The following ADAMTS12 variants were observed in gnomAD, a reference collection of about 807,000 sequenced individuals.
The protein encoded by ADAMTS12 is A disintegrin and metalloproteinase with thrombospondin motifs 12.
ADAMTS12 carries 118 observed loss-of-function variants against 167.8 expected under a neutral mutation model. The ratio of observed to expected loss-of-function variants is 0.70; its 90% CI spans 0.61 to 0.82. The LOEUF (loss-of-function observed/expected upper bound fraction) is 0.82. Among genes scored for constraint, ADAMTS12 ranks in the 40% least tolerant of loss-of-function variants. The pLI, the probability that ADAMTS12 is intolerant of heterozygous loss-of-function variation, is 0.00. For synonymous variants in ADAMTS12, 704 were observed against 716.9 expected, an observed-to-expected ratio of 0.98 and a Z score of 0.29; for missense variants, 1,916 against 1,998.8, an observed-to-expected ratio of 0.96 and a Z score of 0.79.
intron 3 of ADAMTS12, among the ~76,000 whole-genome samples, chr5:33,714,336 CA>C (rs1369189377): frequency 6.6e-6 from 1 of 152,004 alleles, no homozygotes; most frequent in Admixed American, 6.6e-5. Flanking sequence ...CAATGTAAAT[CA>C]AAATGTAATG....
At chr5:33,815,262 T>C (rs374498601) in intron 2 of ADAMTS12, among the ~76,000 whole-genome samples, 83 of 152,282 alleles carry the variant, frequency 5.5e-4, no homozygotes, top group African/African-American at 1.9e-3. Flanking sequence ...CCCATTAAAG[T>C]CATAGATTGA....
chr5:33,595,793 C>T, intron 17 of ADAMTS12, 141 bp downstream of exon 17: 1 of 1,246,686 alleles, frequency 8.0e-7, no homozygotes, highest in South Asian at 1.5e-5. Context: ...AGCATAGCCA[C>T]AGAAAACTCT....
rs571870628 is a variant in ADAMTS12, at chr5:33,640,194, C to T, written c.1718+1616G>A. ...GAACCACAGATCCAAATCTATGATG[C>T]GGTGCCATTGGCAGTGTTAGCAATG... is the stretch of plus-strand genomic sequence containing the variant. On this transcript the variant is annotated intron_variant, in intron 11 of 23. Coordinates refer to ENST00000504830, the MANE Select transcript of ADAMTS12 (RefSeq NM_030955.4). Among the ~76,000 whole-genome samples, 12 of 152,298 alleles carry T rather than the reference C, an allele frequency of 7.9e-5. No individual in the cohort carries two copies. The South Asian group carries it at 8.3e-4, about 11-fold the overall frequency.
intron 2 of ADAMTS12, among the ~76,000 whole-genome samples, chr5:33,850,546 C>T (rs1416630140): frequency 6.6e-6 from 1 of 152,192 alleles, no homozygotes; most frequent in Non-Finnish European, 1.5e-5. Context: ...CACCATAGGC[C>T]TCTCTCATTG....
At chr5:33,556,866 C>T (rs1033659431) in intron 20 of ADAMTS12, among the ~76,000 whole-genome samples, 5 of 152,264 alleles carry the variant, frequency 3.3e-5, no homozygotes, top group South Asian at 2.1e-4. Flanking sequence ...CCAGATGGGG[C>T]GGACAGTGTG....
At chr5:33,874,197 A>T (rs1750141812) in intron 2 of ADAMTS12, among the ~76,000 whole-genome samples, 1 of 152,224 alleles carries the variant, frequency 6.6e-6, no homozygotes, top group East Asian at 1.9e-4. Context: ...ACTGCTGTCA[A>T]AATTTACAAA....
chr5:33,626,735 A>ATGGTGG (rs1330204298), intron 13 of ADAMTS12, among the ~76,000 whole-genome samples: 1 of 107,476 alleles, frequency 9.3e-6, no homozygotes, highest in East Asian at 3.2e-4. Context: ...TTTGATGGTA[A>ATGGTGG]TGGTGGTGGT....
chr5:33,620,210 G>A (rs1739246669), intron 14 of ADAMTS12, among the ~76,000 whole-genome samples: 2 of 152,308 alleles, frequency 1.3e-5, no homozygotes, highest in East Asian at 1.9e-4. Context: ...AGCTATAGCT[G>A]CAGACCTTAT....
chr5:33,757,310 A>C (rs890132265), intron 2 of ADAMTS12, among the ~76,000 whole-genome samples: 1 of 152,260 alleles, frequency 6.6e-6, no homozygotes, highest in Non-Finnish European at 1.5e-5. Flanking sequence ...AAAAAATGCA[A>C]CATTCACCAA....
intron 6 of ADAMTS12, among the ~76,000 whole-genome samples, chr5:33,658,590 CT>C (rs1181424379): frequency 6.6e-6 from 1 of 152,066 alleles, no homozygotes; most frequent in East Asian, 1.9e-4. Flanking sequence ...TTATTTTGCT[CT>C]GGATCTCGGG....
intron 18 of ADAMTS12, among the ~76,000 whole-genome samples, chr5:33,586,730 C>T (rs891048952): frequency 6.6e-6 from 1 of 152,190 alleles, no homozygotes; most frequent in African/African-American, 2.4e-5. Flanking sequence ...AGGCCAGTCA[C>T]AATACTCCAT....
At chr5:33,608,692 G>A (rs1053209107) in intron 16 of ADAMTS12, among the ~76,000 whole-genome samples, 1 of 152,144 alleles carries the variant, frequency 6.6e-6, no homozygotes, top group African/African-American at 2.4e-5. Flanking sequence ...ACCCTCCCAA[G>A]GAGCCTGAAT....
chr5:33,672,087 ACACATCCACACT>A (rs1298294124), intron 5 of ADAMTS12, among the ~76,000 whole-genome samples: 6 of 13,474 alleles, frequency 4.5e-4, no homozygotes, highest in Non-Finnish European at 3.9e-3. Flanking sequence ...ATACATACAC[ACACATCCACACT>A]CACATCCACA....
intron 2 of ADAMTS12, among the ~76,000 whole-genome samples, chr5:33,862,803 T>C (rs1039604471): frequency 7.2e-5 from 11 of 152,240 alleles, no homozygotes; most frequent in African/African-American, 2.4e-4. Flanking sequence ...AATAAAATAC[T>C]GGAAAACCAA....
At chr5:33,736,607 G>A (rs1184815818) in intron 3 of ADAMTS12, among the ~76,000 whole-genome samples, 1 of 152,230 alleles carries the variant, frequency 6.6e-6, no homozygotes, top group Non-Finnish European at 1.5e-5. Context: ...TCCCCAGGAT[G>A]TTTACAGAAT....
rs535374260 is a variant in ADAMTS12, at chr5:33,655,926, T to C, written c.1190+2258A>G. On this transcript the variant is annotated intron_variant, in intron 7 of 23. Transcript: ENST00000504830. Reference sequence around the variant, plus strand: ...TGAGGTATTTGGTTTTCTGTTCCTGTGTTAGTTTGCTGAGAATAATGGCTT... The same window carrying C: ...TGAGGTATTTGGTTTTCTGTTCCTGCGTTAGTTTGCTGAGAATAATGGCTT... Among the ~76,000 whole-genome samples, 7 of 152,204 alleles carry C rather than the reference T, an allele frequency of 4.6e-5. No homozygotes were observed. In the East Asian group the frequency reaches 9.7e-4, roughly 21 times the overall value.
rs559935745 is a variant in ADAMTS12, at chr5:33,545,820, T to C, written c.4446+239A>G. Among the ~76,000 whole-genome samples the C allele has an allele frequency of 1.7e-4, 24 of 144,266 alleles. No homozygotes were observed. The South Asian group carries it at 5.1e-3, about 30-fold the overall frequency. 94.6% of individuals were successfully genotyped at this position (144,266 alleles called of 152,430 possible). ...GGTGGGAACTGAACAATGAGAACCC[T>C]TGGACACAGGGCAGGTAACATCACA... is the stretch of plus-strand genomic sequence containing the variant. On this transcript the variant is annotated intron_variant, in intron 22 of 23. Coordinates refer to ENST00000504830, the MANE Select transcript of ADAMTS12 (RefSeq NM_030955.4).
chr5:33,836,504 A>T (rs1748532356), intron 2 of ADAMTS12, among the ~76,000 whole-genome samples: 1 of 152,208 alleles, frequency 6.6e-6, no homozygotes, highest in African/African-American at 2.4e-5. Context: ...ATAACAGAAG[A>T]ACAAGGGTGG....
chr5:33,597,417 C>T (rs1291176658), intron 16 of ADAMTS12, among the ~76,000 whole-genome samples: 3 of 152,184 alleles, frequency 2.0e-5, no homozygotes, highest in Non-Finnish European at 2.9e-5. Context: ...CACTGGTGTA[C>T]AGAACTCCAG....
Sources: gnomAD v4.1 joint callset for allele counts (sites outside exome capture counted in the v4.1 genomes callset) on GRCh38, gnomAD v4.1.1 for gene constraint, MANE v1.5 for transcripts, NCBI Gene and HGNC (gene_info 2026-07-23, HGNC 2026-07-21) for gene names.